Variants in ACBD3 observed in about 807,000 individuals in gnomAD.
ACBD3 encodes Golgi resident protein GCP60.
In ACBD3, 30 loss-of-function variants were observed where a neutral mutation model predicts 66.9. That is an observed-to-expected ratio of 0.45 (90% CI 0.34 to 0.61). ACBD3 has a LOEUF of 0.61. Among genes scored for constraint, ACBD3 ranks in the 20% least tolerant of loss-of-function variants. The pLI is 0.02. For missense variants in ACBD3, 544 were observed against 664.5 expected (o/e 0.82, Z 1.99); for synonymous variants, 278 against 259.8 (o/e 1.07, Z -0.68).
intron 1 of ACBD3, among the ~76,000 whole-genome samples, chr1:226,176,646 G>A (rs1024535305): frequency 2.0e-5 from 3 of 151,890 alleles, no homozygotes; most frequent in Non-Finnish European, 2.9e-5. Context: ...TTGGCAAGAG[G>A]GCACTCAGAA....
Position 226,164,867 on chromosome 1 carries a change from A to T in ACBD3, c.491T>A (p.Leu164His). 1 of 1,611,092 alleles carries T rather than the reference A, an allele frequency of 6.2e-7. No individual in the cohort carries two copies. The highest frequency in any genetic ancestry group is 8.5e-7 in the Non-Finnish European group (1 of 1,178,668). Residue 164 changes from leucine to histidine, a missense_variant, in exon 3 of 8, where the codon CTC becomes CAC. Physicochemically the swap from Leu to His is moderately conservative, Grantham distance 99. Transcript: ENST00000366812. ...KEDAMVEFVK[L>H]LNRCCHLFST... ...AAAGAGATGGCAACACCTATTTAAGAGCTTGACAAACTCCACCATGGCATC... is the reference window on the plus strand; with the variant it reads ...AAAGAGATGGCAACACCTATTTAAGTGCTTGACAAACTCCACCATGGCATC...
At chr1:226,159,441 T>C (rs2102779309) in intron 4 of ACBD3, 83 bp from the exon 5 acceptor site, 1 of 1,339,946 alleles carries the variant, frequency 7.5e-7, no homozygotes, top group Non-Finnish European at 1.0e-6. Flanking sequence ...TACTTACTTT[T>C]ACAGTCTGTA....
chr1:226,176,045 A>C (rs764458233), intron 1 of ACBD3, among the ~76,000 whole-genome samples: 6 of 152,230 alleles, frequency 3.9e-5, no homozygotes, highest in African/African-American at 1.4e-4. Flanking sequence ...CAATGTAATC[A>C]TAAGGGTCCT....
At chr1:226,183,987 C>A (rs575640875) in intron 1 of ACBD3, among the ~76,000 whole-genome samples, 3 of 150,924 alleles carry the variant, frequency 2.0e-5, no homozygotes, top group African/African-American at 7.3e-5. Flanking sequence ...GTCAGGAAAT[C>A]GAGACCATCC....
chr1:226,178,580 A>AAAAAAAAAG (rs1656103091), intron 1 of ACBD3, among the ~76,000 whole-genome samples: 1 of 142,014 alleles, frequency 7.0e-6, no homozygotes, highest in Admixed American at 6.8e-5. Context: ...GTCTCAAAAA[A>AAAAAAAAAG]AAAAAAAAAA....
At chr1:226,162,494 C>A (rs552117522) in intron 3 of ACBD3, among the ~76,000 whole-genome samples, 1 of 152,028 alleles carries the variant, frequency 6.6e-6, no homozygotes, top group South Asian at 2.1e-4. Flanking sequence ...TAAAAAAGAA[C>A]GGTTAACCTC....
intron 6 of ACBD3, among the ~76,000 whole-genome samples, chr1:226,153,708 G>C (rs745779096): frequency 2.0e-5 from 3 of 152,144 alleles, no homozygotes; most frequent in Non-Finnish European, 4.4e-5. Flanking sequence ...AGCTAGTAGA[G>C]CTTTGAAAAT....
In ACBD3 at chr1:226,177,471, C is replaced by A. The variant is rs570854462; in HGVS notation, c.286+8919G>T. 4.0e-5 allele frequency among the ~76,000 whole-genome samples: 6 copies of A among 151,664 alleles called. No homozygotes were observed. In the East Asian group the frequency reaches 9.7e-4, roughly 25 times the overall value. ...TCAGCCTCCCAGAGTGCTGGGATTACAGGTATGAGCCACCGTGCCCAGCCC... is the reference window on the plus strand; with the variant it reads ...TCAGCCTCCCAGAGTGCTGGGATTAAAGGTATGAGCCACCGTGCCCAGCCC... On this transcript the variant is annotated intron_variant, in intron 1 of 7. Coordinates refer to ENST00000366812, the MANE Select transcript of ACBD3 (RefSeq NM_022735.4).
chr1:226,182,134 G>C (rs1039192305), intron 1 of ACBD3, among the ~76,000 whole-genome samples: 2 of 152,070 alleles, frequency 1.3e-5, no homozygotes, highest in African/African-American at 4.8e-5. Context: ...AGGAGGATGA[G>C]GTGGGAGGAT....
intron 5 of ACBD3, among the ~76,000 whole-genome samples, chr1:226,157,011 T>G (rs200399164): frequency 2.0e-5 from 3 of 152,124 alleles, no homozygotes; most frequent in Non-Finnish European, 4.4e-5. Context: ...TTCCTGTTAT[T>G]AGGAAGTTTA....
chr1:226,159,142 A>C (rs991012389), intron 5 of ACBD3, 42 bp downstream of exon 5: 1 of 1,589,358 alleles, frequency 6.3e-7, no homozygotes, highest in Non-Finnish European at 8.6e-7. Flanking sequence ...AATGAAACTA[A>C]AAACTCTCTC....
intron 1 of ACBD3, among the ~76,000 whole-genome samples, chr1:226,170,151 CT>C (rs5781423): frequency 7.3e-6 from 1 of 136,764 alleles, no homozygotes; most frequent in Non-Finnish European, 1.5e-5. Context: ...TTTTCCTTTC[CT>C]TTTTTTTTTT....
chr1:226,159,033 C>T lies in ACBD3; in HGVS notation c.903+151G>A, dbSNP rs112911562. 3.6e-6 allele frequency: 3 copies of T among 825,592 alleles called. No homozygotes were observed. In the African/African-American group the frequency reaches 5.1e-5, roughly 14 times the overall value. 51.1% of individuals were successfully genotyped at this position (825,592 alleles called of 1,614,324 possible). ...TTCTCTCACAATTGCCTGTGCAATT[C>T]TCAAGTCTGCCTAAAAGATCACCCA... On this transcript the variant is annotated intron_variant, in intron 5 of 7. Transcript: ENST00000366812.
chr1:226,174,024 G>A (rs1458453418), intron 1 of ACBD3, among the ~76,000 whole-genome samples: 2 of 151,818 alleles, frequency 1.3e-5, no homozygotes, highest in Non-Finnish European at 2.9e-5. Context: ...TCAGAGCCCC[G>A]AAGACCTGGG....
rs1390781438 is a variant in ACBD3 at position 226,152,350 on chromosome 1, C to T, written c.1360G>A (p.Asp454Asn). ...AGGGTTCTACCTTCTTCCTCCTCGT[C>T]GTCATCGCTGGACTCACTGACATGC... ...SVHVSESSDD[D>N]EEEEENIGCE... Residue 454 changes from aspartate to asparagine, a missense_variant, in exon 7 of 8, where the codon GAC (aspartate) becomes AAC (asparagine). By Grantham distance (23) the Asp-to-Asn change is conservative. Coordinates refer to ENST00000366812, the MANE Select transcript of ACBD3 (RefSeq NM_022735.4). The T allele has an allele frequency of 1.2e-6, 2 of 1,614,114 alleles. No individual in the cohort carries two copies. The highest frequency in any genetic ancestry group is 2.2e-5 in the East Asian group (1 of 44,886).
chr1:226,173,748 TTTTC>T (rs1437163502), intron 1 of ACBD3, among the ~76,000 whole-genome samples: 7 of 136,814 alleles, frequency 5.1e-5, no homozygotes, highest in African/African-American at 1.7e-4. Context: ...TCTTCTTTTT[TTTTC>T]TTTTCTTTTT....
intron 1 of ACBD3, among the ~76,000 whole-genome samples, chr1:226,177,644 T>C (rs998858341): frequency 3.9e-5 from 6 of 152,156 alleles, no homozygotes; most frequent in African/African-American, 9.7e-5. Flanking sequence ...TCAGAGGATA[T>C]TCCCAACCAT....
intron 7 of ACBD3, among the ~76,000 whole-genome samples, chr1:226,151,584 G>A (rs539265106): frequency 1.3e-5 from 2 of 152,276 alleles, no homozygotes; most frequent in Non-Finnish European, 2.9e-5. Flanking sequence ...ATTTTTTTAA[G>A]TGGACTATTC....
At chr1:226,175,957 C>T (rs1051039235) in intron 1 of ACBD3, among the ~76,000 whole-genome samples, 1 of 152,090 alleles carries the variant, frequency 6.6e-6, no homozygotes. Context: ...ACTTCTGGAA[C>T]CTGTGAATAT....
Sources: gnomAD v4.1 joint callset for allele counts (sites outside exome capture counted in the v4.1 genomes callset) on GRCh38, gnomAD v4.1.1 for gene constraint, MANE v1.5 for transcripts, NCBI Gene and HGNC (gene_info 2026-07-23, HGNC 2026-07-21) for gene names.